The following MUC17 variants were observed in gnomAD, a reference collection of about 807,000 sequenced individuals.
MUC17 encodes the protein mucin 17, cell surface associated, also known as mucin-17.
MUC17 carries 190 observed loss-of-function variants against 170.3 expected under a neutral mutation model. That is an observed-to-expected ratio of 1.12 (90% CI 0.99 to 1.26). The LOEUF is 1.26. Ranked by LOEUF, MUC17 falls within the 50% of genes most tolerant of loss-of-function variation. The pLI is 0.00. For missense variants in MUC17, 6,415 were observed against 5,530.0 expected (o/e 1.16, Z -5.08); for synonymous variants, 2,325 against 2,002.5 (o/e 1.16, Z -4.30).
At position 101,037,484 on chromosome 7, in the gene MUC17, G is replaced by T; in HGVS notation, c.6068G>T (p.Ser2023Ile). The change falls in exon 3 of 13, where the codon AGT becomes ATT. Residue 2023 changes from serine to isoleucine, a missense_variant. Ser to Ile is a moderately radical substitution (Grantham distance 142). Coordinates refer to ENST00000306151, the MANE Select transcript of MUC17 (RefSeq NM_001040105.2). ...CCTGCCACCACTTCTACTGAAGGCAGTTCATCTCCTACAACTGCAGGAGGT... is the reference window on the plus strand; with the variant it reads ...CCTGCCACCACTTCTACTGAAGGCATTTCATCTCCTACAACTGCAGGAGGT... The part of the protein sequence containing the change: ...STPATTSTEG[S>I]SSPTTAGGTS... 1 of 1,612,916 alleles carries T rather than the reference G, an allele frequency of 6.2e-7. No homozygotes were observed. The highest frequency in any genetic ancestry group is 8.5e-7 in the Non-Finnish European group (1 of 1,179,396).
rs750501239 is a variant in MUC17 at position 101,034,513 on chromosome 7, C to A, written c.3097C>A (p.Pro1033Thr). The A allele has an allele frequency of 1.9e-6, 3 of 1,613,642 alleles. No homozygotes were observed. The highest frequency in any genetic ancestry group is 2.5e-6 in the Non-Finnish European group (3 of 1,179,760). Residue 1033 changes from proline (P) to threonine (T), a missense_variant, in exon 3 of 13, where the codon CCA becomes ACA. Physicochemically the swap from Pro to Thr is conservative, Grantham distance 38. Transcript: ENST00000306151. The part of the protein sequence containing the change: ...PPPTAEGTSM[P>T]TSTPSEGSTP... ...TCCCACTGCTGAAGGTACCAGCATG[C>A]CAACCTCAACTCCTAGTGAAGGAAG...
chr7:101,023,504 A>G (rs979597427), intron 1 of MUC17, among the ~76,000 whole-genome samples: 1 of 152,158 alleles, frequency 6.6e-6, no homozygotes, highest in South Asian at 2.1e-4. Flanking sequence ...CTCCTGCCTC[A>G]GCCTCCTGAG....
intron 11 of MUC17, among the ~76,000 whole-genome samples, chr7:101,055,156 A>G (rs995411258): frequency 6.6e-6 from 1 of 152,184 alleles, no homozygotes; most frequent in Non-Finnish European, 1.5e-5. Flanking sequence ...GAGATAGGAC[A>G]CATAGAAAAT....
chr7:101,051,573 G>A (rs67328257), intron 7 of MUC17, 40 bp from the exon 8 acceptor site: 485,194 of 1,601,416 alleles, frequency 0.3, 75,428 homozygotes, highest in East Asian at 0.48. Flanking sequence ...CAGAACAAGC[G>A]TGTATGTGTC....
intron 4 of MUC17, 120 bp downstream of exon 4, chr7:101,048,235 G>GTT: frequency 9.6e-7 from 1 of 1,037,720 alleles, no homozygotes; most frequent in South Asian, 2.7e-5. Context: ...GGGCTGTGGT[G>GTT]TTTTTTGTTT....
Position 101,038,480 on chromosome 7 carries a change from C to T in MUC17, c.7064C>T (p.Thr2355Ile), listed in dbSNP as rs143165313. The T allele has an allele frequency of 5.3e-3, 8,572 of 1,604,224 alleles. 30 individuals carry two copies. The highest frequency in any genetic ancestry group is 5.7e-3 in the Non-Finnish European group (6,729 of 1,174,206). Residue 2355 changes from threonine (T) to isoleucine (I), a missense_variant, in exon 3 of 13, where the codon ACA (threonine) becomes ATA (isoleucine). Thr to Ile is a moderately conservative substitution (Grantham distance 89, BLOSUM62 -1). Coordinates refer to ENST00000306151, the MANE Select transcript of MUC17 (RefSeq NM_001040105.2). ...ACCACAATGGTGGCCAGTTTTGAAA[C>T]AAGCACACTTTCTACAACTCCTGCT... Reference protein sequence around the residue: ...VSTTMVASFETSTLSTTPADT... With the variant: ...VSTTMVASFEISTLSTTPADT...
At position 101,052,855 on chromosome 7, in the gene MUC17, C is replaced by G. The variant is rs937501877; in HGVS notation, c.13104-131C>G. 2.8e-6 allele frequency: 3 copies of G among 1,063,726 alleles called. No individual in the cohort carries two copies. The African/African-American group carries it at 4.8e-5, about 17-fold the overall frequency. The allele number at this position is 1,063,726 out of a possible 1,614,324, so 65.9% of individuals were successfully genotyped here. On this transcript the variant is annotated intron_variant, in intron 9 of 12. Coordinates refer to ENST00000306151, the MANE Select transcript of MUC17 (RefSeq NM_001040105.2). ...CATCTCTGTTCATCCCCTCGGGGTG[C>G]CTTGCTTTATGCCCCCTGGCAATCT...
rs762965391 is a variant in MUC17, at chr7:101,036,438, T to A, written c.5022T>A (p.Pro1674=). ...TSTEVSSSPT[P]AEGTSMPTST... Reference sequence around the variant, plus strand: ...CTGAAGTCAGTTCATCTCCTACACCTGCTGAAGGTACCAGCATGCCAACCT... The same window carrying A: ...CTGAAGTCAGTTCATCTCCTACACCAGCTGAAGGTACCAGCATGCCAACCT... The change falls in exon 3 of 13, where the codon CCT becomes CCA. Residue 1674 remains proline, a synonymous_variant. Transcript: ENST00000306151. The A allele has an allele frequency of 1.9e-6, 3 of 1,612,868 alleles. No individual in the cohort carries two copies. In the Admixed American group the frequency reaches 5.0e-5, roughly 27 times the overall value.
chr7:101,034,465 T>G lies in MUC17; in HGVS notation c.3049T>G (p.Ser1017Ala). The G allele has an allele frequency of 6.2e-7, 1 of 1,609,434 alleles. No homozygotes were observed. Among genetic ancestry groups the G allele is most frequent in the Non-Finnish European group, 8.5e-7 (1 of 1,177,718 alleles). Residue 1017 changes from serine to alanine, a missense_variant, in exon 3 of 13, where the codon TCT becomes GCT. Physicochemically the swap from Ser to Ala is moderately conservative, Grantham distance 99. Coordinates refer to ENST00000306151, the MANE Select transcript of MUC17 (RefSeq NM_001040105.2). Reference protein sequence around the residue: ...PVDSNTPLTTSTEASSPPPTA... With the variant: ...PVDSNTPLTTATEASSPPPTA... ...TGACTCCAACACTCCTTTGACCACT[T>G]CTACTGAAGCCAGTTCACCTCCTCC...
intron 2 of MUC17, 95 bp downstream of exon 2, chr7:101,031,316 TAC>T (rs1794275290): frequency 6.6e-7 from 1 of 1,517,978 alleles, no homozygotes; most frequent in African/African-American, 1.4e-5. Context: ...TGCCATATTT[TAC>T]AGTGTGTGAC....
rs1348183116 is a variant in MUC17, at chr7:101,033,199, G to A, written c.1783G>A (p.Ala595Thr). Residue 595 changes from alanine (A) to threonine (T), a missense_variant, in exon 3 of 13, where the codon GCT becomes ACT. Coordinates refer to ENST00000306151, the MANE Select transcript of MUC17 (RefSeq NM_001040105.2). ...GGCTAGCACCACTTCAACAACTCCTGCTGACTCCAACACTTTTGTGACCAC... is the reference window on the plus strand; with the variant it reads ...GGCTAGCACCACTTCAACAACTCCTACTGACTCCAACACTTTTGTGACCAC... ...SEASTTSTTP[A>T]DSNTFVTTSS... 6.2e-7 allele frequency: 1 copy of A among 1,613,832 alleles called. No homozygotes were observed. Among genetic ancestry groups the A allele is most frequent in the Non-Finnish European group, 8.5e-7 (1 of 1,179,946 alleles).
At position 101,031,834 on chromosome 7, in the gene MUC17, A is replaced by G. The variant is rs751987235; in HGVS notation, c.418A>G (p.Thr140Ala). 1 of 1,614,054 alleles carries G rather than the reference A, an allele frequency of 6.2e-7. No individual in the cohort carries two copies. Among genetic ancestry groups the G allele is most frequent in the Non-Finnish European group, 8.5e-7 (1 of 1,179,862 alleles). The change falls in exon 3 of 13, where the codon ACA (threonine) becomes GCA (alanine). Residue 140 changes from threonine to alanine, a missense_variant. Coordinates refer to ENST00000306151, the MANE Select transcript of MUC17 (RefSeq NM_001040105.2). The stretch of plus-strand genomic sequence containing the variant: ...TTCTACTGAAGACACTTCATCTCCT[A>G]CAACTCCTGAAGGCACCGACGTGCC... ...PSSTEDTSSP[T>A]TPEGTDVPMS... is the part of the protein sequence containing the mutation.
rs560663109 is a variant in MUC17 at position 101,032,070 on chromosome 7, A to G, written c.654A>G (p.Leu218=). The G allele has an allele frequency of 2.0e-5, 32 of 1,614,096 alleles. No individual in the cohort carries two copies. Among genetic ancestry groups the G allele is most frequent in the Admixed American group, 3.3e-5 (2 of 60,008 alleles). ...KSTNSEGSTP[L]TSMPASTMKV... ...CTAACAGTGAAGGAAGCACTCCATT[A>G]ACAAGTATGCCTGCCAGCACCATGA... The change falls in exon 3 of 13, where the codon TTA becomes TTG. Residue 218 remains leucine, a synonymous_variant. Transcript: ENST00000306151.
chr7:101,049,037 A>G, intron 5 of MUC17, 65 bp downstream of exon 5: 2 of 1,608,582 alleles, frequency 1.2e-6, no homozygotes, highest in Admixed American at 1.7e-5. Flanking sequence ...CTGTAGGGTA[A>G]GAAGGTAGCT....
chr7:101,043,493 C>G lies in MUC17; in HGVS notation c.12077C>G (p.Ser4026Ter), dbSNP rs747212689. Reference sequence around the variant, plus strand: ...AGCAGAGGCTGCACTACTTCTGCATCAACGCTTTCTGCAACCAGTACACCT... The same window carrying G: ...AGCAGAGGCTGCACTACTTCTGCATGAACGCTTTCTGCAACCAGTACACCT... ...TTSRGCTTSA[S>*]TLSATSTPHT... The change falls in exon 3 of 13, where the codon TCA (serine) becomes TGA (stop). Residue 4026 changes from serine (S) to a stop codon, truncating the protein, a stop_gained. Coordinates refer to ENST00000306151, the MANE Select transcript of MUC17 (RefSeq NM_001040105.2). LOFTEE classifies it high-confidence loss of function. 4.3e-6 allele frequency: 7 copies of G among 1,614,104 alleles called. 1 individual carries two copies. The highest frequency in any genetic ancestry group is 3.3e-4 in the Middle Eastern group (2 of 6,084).
rs1248762151 is a variant in MUC17 at position 101,043,645 on chromosome 7, A to G, written c.12229A>G (p.Thr4077Ala). 1 of 1,613,540 alleles carries G rather than the reference A, an allele frequency of 6.2e-7. No individual in the cohort carries two copies. The highest frequency in any genetic ancestry group is 8.5e-7 in the Non-Finnish European group (1 of 1,179,864). The change falls in exon 3 of 13, where the codon ACC becomes GCC. Residue 4077 changes from threonine (T) to alanine (A), a missense_variant. By Grantham distance (58) the Thr-to-Ala change is moderately conservative. Transcript: ENST00000306151. ...TGCTCACTCCAGTACACCTCCAACA[A>G]CCTCTGCCTCCTCCACGACTGTGAA... ...PPAHSSTPPT[T>A]SASSTTVNPE...
chr7:101,052,907 C>G, intron 9 of MUC17, 79 bp from the exon 10 acceptor site: 1 of 1,507,058 alleles, frequency 6.6e-7, no homozygotes, highest in Non-Finnish European at 8.9e-7. Flanking sequence ...CATTAAACAC[C>G]CACTGGGCAG....
rs200952399 is a variant in MUC17 at position 101,041,207 on chromosome 7, C to T, written c.9791C>T (p.Pro3264Leu). 492 of 1,613,470 alleles carry T rather than the reference C, an allele frequency of 3.0e-4. 2 individuals carry two copies. The Middle Eastern group carries it at 5.4e-3, about 18-fold the overall frequency. ...TCTACTGAAGCCAGTTCATCTCCTC[C>T]CACTGCTGAAGGTACCAGCATGCCA... Reference protein sequence around the residue: ...TTSTEASSSPPTAEGTSMPTS... With the variant: ...TTSTEASSSPLTAEGTSMPTS... Residue 3264 changes from proline (P) to leucine (L), a missense_variant, in exon 3 of 13, where the codon CCC becomes CTC. Transcript: ENST00000306151.
At position 101,043,672 on chromosome 7, in the gene MUC17, C is replaced by G. The variant is rs1284863537; in HGVS notation, c.12256C>G (p.Pro4086Ala). ...CTCTGCCTCCTCCACGACTGTGAAC[C>G]CTGAGGCTGTCACCACCATGACCAC... ...TTSASSTTVNPEAVTTMTTRT... is the reference protein window; with the variant it reads ...TTSASSTTVNAEAVTTMTTRT... The change falls in exon 3 of 13, where the codon CCT becomes GCT. Residue 4086 changes from proline to alanine, a missense_variant. Pro to Ala is a conservative substitution (Grantham distance 27). Transcript: ENST00000306151. 3.1e-6 allele frequency: 5 copies of G among 1,614,040 alleles called. No homozygotes were observed. Among genetic ancestry groups the G allele is most frequent in the Admixed American group, 3.3e-5 (2 of 59,994 alleles).
Sources: allele counts gnomAD v4.1 joint callset (sites outside exome capture counted in the v4.1 genomes callset), GRCh38; gene constraint gnomAD v4.1.1; transcripts MANE v1.5; gene names NCBI Gene and HGNC (gene_info 2026-07-23, HGNC 2026-07-21).